RBFOX1: variants seen among roughly 807,000 people sequenced by gnomAD.
The protein encoded by RBFOX1 is RNA binding protein fox-1 homolog 1.
RBFOX1 carries 8 observed loss-of-function variants against 57.7 expected under a neutral mutation model. That is an observed-to-expected ratio of 0.14 (90% CI 0.08 to 0.25). The LOEUF is 0.25. RBFOX1 is among the 10% of genes least tolerant of loss of function. RBFOX1 has a pLI of 1.00. For missense variants in RBFOX1, 611 were observed against 548.5 expected (o/e 1.11, Z -1.14); for synonymous variants, 326 against 222.4 (o/e 1.47, Z -4.15).
chr16:7,292,319 A>C lies in RBFOX1; in HGVS notation c.28-225828A>C, dbSNP rs934083063. Among the ~76,000 whole-genome samples the C allele has an allele frequency of 4.6e-4, 61 of 131,698 alleles. 1 individual carries two copies. The highest frequency in any genetic ancestry group is 8.6e-4 in the Non-Finnish European group (55 of 64,244). 86.4% of individuals were successfully genotyped at this position (131,698 alleles called of 152,430 possible). On this transcript the variant is annotated intron_variant, in intron 4 of 15. Coordinates refer to ENST00000550418, the MANE Select transcript of RBFOX1 (RefSeq NM_018723.4). Reference sequence around the variant, plus strand: ...TGATATATGATATATGACGTATTATATATCATATATCATACATGATATATA... The same window carrying C: ...TGATATATGATATATGACGTATTATCTATCATATATCATACATGATATATA...
chr16:7,693,266 A>C (rs916578197), intron 14 of RBFOX1: 1 of 1,543,612 alleles, frequency 6.5e-7, no homozygotes, highest in Non-Finnish European at 9.0e-7. Context: ...GGCAGAGAGC[A>C]CATTTCCCCC....
At chr16:7,703,862 G>C (rs949634878) in intron 14 of RBFOX1, among the ~76,000 whole-genome samples, 6 of 152,322 alleles carry the variant, frequency 3.9e-5, no homozygotes, top group Non-Finnish European at 7.3e-5. Context: ...TCTGTAATTT[G>C]ATCGGTAGAG....
At chr16:7,550,956 T>C (rs1438468098) in intron 5 of RBFOX1, among the ~76,000 whole-genome samples, 1 of 151,690 alleles carries the variant, frequency 6.6e-6, no homozygotes, top group Admixed American at 6.6e-5. Flanking sequence ...TAGCCGGGCA[T>C]GGTGGCGGGT....
In RBFOX1 at chr16:7,579,936, C is replaced by T; in HGVS notation, c.414+16C>T. On this transcript the variant is annotated intron_variant, in intron 6 of 15. Transcript: ENST00000550418. ...AATGTTTGGTGTAAGTATCACCTTT[C>T]TTCCCAGCAGTGCCCGCTCTGGGGG... The T allele has an allele frequency of 6.2e-7, 1 of 1,613,590 alleles. No individual in the cohort carries two copies. The highest frequency in any genetic ancestry group is 8.5e-7 in the Non-Finnish European group (1 of 1,179,558).
rs543765814 is a variant in RBFOX1, at chr16:7,240,860, G to T, written c.27+188762G>T. On this transcript the variant is annotated intron_variant, in intron 4 of 15. Transcript: ENST00000550418. ...TCTAGGATTACAGGCGTGAGCCGCT[G>T]CACCTGGCAAAATATTGTTTTTTGA... 5.3e-5 allele frequency among the ~76,000 whole-genome samples: 8 copies of T among 152,280 alleles called. No individual in the cohort carries two copies. The South Asian group carries it at 1.5e-3, about 28-fold the overall frequency.
chr16:5,389,440 C>T (rs1215766925), intron 1 of RBFOX1, among the ~76,000 whole-genome samples: 1 of 151,998 alleles, frequency 6.6e-6, no homozygotes, highest in Non-Finnish European at 1.5e-5. Context: ...ATGCAAATAG[C>T]GCTTCCCACC....
intron 4 of RBFOX1, among the ~76,000 whole-genome samples, chr16:7,225,457 A>G (rs1473229256): frequency 2.0e-5 from 3 of 151,880 alleles, no homozygotes; most frequent in African/African-American, 7.3e-5. Context: ...TTCACCTTCC[A>G]CCATGATTGT....
At position 5,791,018 on chromosome 16, in the gene RBFOX1, A is replaced by G. The variant is rs556769588; in HGVS notation, c.319-76285A>G. ...CAAGTAGCTGGGATTACAGGTGCAT[A>G]CCACCACACCTGGCAAATTTTTATA... On this transcript the variant is annotated intron_variant, in intron 3 of 19. Transcript: ENST00000641259. Among the ~76,000 whole-genome samples the G allele has an allele frequency of 7.2e-5, 11 of 151,932 alleles. 1 individual carries two copies. The South Asian group carries it at 2.3e-3, about 32-fold the overall frequency.
At chr16:6,686,709 G>T (rs1397948925) in intron 3 of RBFOX1, among the ~76,000 whole-genome samples, 1 of 152,086 alleles carries the variant, frequency 6.6e-6, no homozygotes, top group Non-Finnish European at 1.5e-5. Flanking sequence ...GCAATTGTGA[G>T]ACTAACCTTC....
Position 5,928,026 on chromosome 16 carries a change from C to T in RBFOX1, c.351+60691C>T, listed in dbSNP as rs564179680. Among the ~76,000 whole-genome samples the T allele has an allele frequency of 7.0e-4, 106 of 152,226 alleles. 2 individuals carry two copies. The highest frequency in any genetic ancestry group is 2.4e-3 in the African/African-American group (99 of 41,542). ...TGTGTTTTAGTGATCTGTGGCAGGG[C>T]ATGGTGACTATCATTAGTAATAAAG... On this transcript the variant is annotated intron_variant, in intron 4 of 19. Coordinates refer to the RBFOX1 transcript ENST00000641259.
intron 3 of RBFOX1, among the ~76,000 whole-genome samples, chr16:6,676,380 G>T (rs1713990432): frequency 6.6e-6 from 1 of 152,056 alleles, no homozygotes; most frequent in Non-Finnish European, 1.5e-5. Context: ...GGCAGCGCCT[G>T]CCCCAGTTGG....
intron 1 of RBFOX1, among the ~76,000 whole-genome samples, chr16:6,245,719 C>T (rs1282166381): frequency 1.3e-5 from 2 of 152,130 alleles, no homozygotes; most frequent in Admixed American, 1.3e-4. Context: ...GGCACAAAAG[C>T]TCTGAGAACT....
At chr16:6,308,498 G>A (rs1024268351) in intron 1 of RBFOX1, among the ~76,000 whole-genome samples, 2 of 152,202 alleles carry the variant, frequency 1.3e-5, no homozygotes, top group African/African-American at 4.8e-5. Context: ...GACTTGACTG[G>A]TGGACCCTAG....
intron 5 of RBFOX1, among the ~76,000 whole-genome samples, chr16:7,547,906 G>T (rs190367209): frequency 1.3e-5 from 2 of 152,208 alleles, no homozygotes; most frequent in South Asian, 2.1e-4. Context: ...ACCACCAGCC[G>T]TGTTCCCGTT....
intron 4 of RBFOX1, among the ~76,000 whole-genome samples, chr16:7,416,071 T>C (rs74012567): frequency 0.011 from 1,602 of 152,256 alleles, 24 homozygotes; most frequent in African/African-American, 0.036. Context: ...TTGTCCTTTC[T>C]TTCTTATTAA....
intron 4 of RBFOX1, among the ~76,000 whole-genome samples, chr16:7,499,719 A>C (rs1314295071): frequency 2.0e-5 from 3 of 152,102 alleles, no homozygotes; most frequent in Non-Finnish European, 2.9e-5. Context: ...TCACAACTCA[A>C]CATATATTAA....
At chr16:7,018,042 A>G (rs796361309) in intron 3 of RBFOX1, among the ~76,000 whole-genome samples, 3 of 152,222 alleles carry the variant, frequency 2.0e-5, no homozygotes, top group African/African-American at 7.2e-5. Context: ...TTCACGTTTG[A>G]AAACAGGCGT....
chr16:5,676,180 C>G (rs568401453), intron 3 of RBFOX1, among the ~76,000 whole-genome samples: 1 of 151,802 alleles, frequency 6.6e-6, no homozygotes, highest in Non-Finnish European at 1.5e-5. Flanking sequence ...ATAGGTGTAG[C>G]AAACCACCAT....
At chr16:6,817,566 T>C (rs1228711655) in intron 3 of RBFOX1, among the ~76,000 whole-genome samples, 1 of 149,762 alleles carries the variant, frequency 6.7e-6, no homozygotes, top group Non-Finnish European at 1.5e-5. Context: ...TTTAACTGGA[T>C]TTGGTGGCGC....
Sources: gnomAD v4.1 joint callset for allele counts (sites outside exome capture counted in the v4.1 genomes callset) on GRCh38, gnomAD v4.1.1 for gene constraint, MANE v1.5 for transcripts, NCBI Gene and HGNC (gene_info 2026-07-23, HGNC 2026-07-21) for gene names.